The following ARID5B variants were observed in gnomAD, a reference collection of about 807,000 sequenced individuals.
The protein encoded by ARID5B is AT-rich interactive domain-containing protein 5B.
In ARID5B, 13 loss-of-function variants were observed where a neutral mutation model predicts 97.2. The ratio of observed to expected loss-of-function variants is 0.13; its 90% CI spans 0.09 to 0.21. The LOEUF (loss-of-function observed/expected upper bound fraction) is 0.21, where lower values mean the gene tolerates loss of function less well. Among genes scored for constraint, ARID5B ranks in the 10% least tolerant of loss-of-function variants. ARID5B has a pLI of 1.00. For synonymous variants in ARID5B, 556 were observed against 570.3 expected (o/e 0.97, Z 0.36); for missense variants, 1,210 against 1,465.3 (o/e 0.83, Z 2.84).
rs1840468866 is a variant in ARID5B at position 62,096,271 on chromosome 10, T to C, written c.*3241T>C. ...TACTGTATTTCACTGTGTTGGTGTG[T>C]CTGATGGAAATTTCGAGGTGGTCCC... is the stretch of plus-strand genomic sequence containing the variant. On this transcript the variant is annotated 3_prime_UTR_variant, in exon 10 of 10. Coordinates refer to ENST00000279873, the MANE Select transcript of ARID5B (RefSeq NM_032199.3). 4.3e-6 allele frequency: 1 copy of C among 233,606 alleles called. No homozygotes were observed. The allele number at this position is 233,606 out of a possible 1,614,324, so 14.5% of individuals were successfully genotyped here.
chr10:61,960,848 G>A (rs1589236067), intron 3 of ARID5B, among the ~76,000 whole-genome samples: 1 of 152,234 alleles, frequency 6.6e-6, no homozygotes, highest in African/African-American at 2.4e-5. Flanking sequence ...GTAGTGGTAA[G>A]GGACTAAAAG....
At chr10:62,009,066 G>A (rs778368838) in intron 4 of ARID5B, among the ~76,000 whole-genome samples, 1 of 152,188 alleles carries the variant, frequency 6.6e-6, no homozygotes, top group African/African-American at 2.4e-5. Context: ...TTGGTAATGG[G>A]TTTTCAAAGG....
In ARID5B at chr10:62,059,266, G is replaced by A; in HGVS notation, c.1072G>A (p.Ala358Thr). 1 of 1,612,020 alleles carries A rather than the reference G, an allele frequency of 6.2e-7. No homozygotes were observed. The highest frequency in any genetic ancestry group is 8.5e-7 in the Non-Finnish European group (1 of 1,178,794). Reference sequence around the variant, plus strand: ...AGTTAACCTTTGGACTATGTTTCAAGCTGCTCAAAAACTGGGAGGATATGA... The same window carrying A: ...AGTTAACCTTTGGACTATGTTTCAAACTGCTCAAAAACTGGGAGGATATGA... Reference protein sequence around the residue: ...KQINLWTMFQAAQKLGGYETI... With the variant: ...KQINLWTMFQTAQKLGGYETI... The change falls in exon 7 of 10, where the codon GCT becomes ACT. Residue 358 changes from alanine (A) to threonine (T), a missense_variant. Coordinates refer to ENST00000279873, the MANE Select transcript of ARID5B (RefSeq NM_032199.3).
At chr10:61,969,740 T>C (rs961992870) in intron 3 of ARID5B, among the ~76,000 whole-genome samples, 1 of 152,174 alleles carries the variant, frequency 6.6e-6, no homozygotes, top group African/African-American at 2.4e-5. Flanking sequence ...TCATATTCTA[T>C]TGTCTCACAA....
chr10:61,901,960 T>G (rs1056796550), intron 1 of ARID5B, among the ~76,000 whole-genome samples, 199 bp from the exon 2 acceptor site: 2 of 143,080 alleles, frequency 1.4e-5, no homozygotes, highest in African/African-American at 2.5e-5. Flanking sequence ...GAAGTGGCGG[T>G]GGGGGGCCCT....
intron 2 of ARID5B, 65 bp from the exon 3 acceptor site, chr10:61,940,118 G>A: frequency 6.8e-7 from 1 of 1,469,350 alleles, no homozygotes; most frequent in Non-Finnish European, 9.5e-7. Context: ...GCCTTGTGGA[G>A]AGTGGATCAT....
intron 3 of ARID5B, among the ~76,000 whole-genome samples, chr10:61,987,171 T>C (rs910801192): frequency 2.6e-4 from 39 of 152,062 alleles, no homozygotes; most frequent in African/African-American, 7.5e-4. Context: ...GTGTCTCCCA[T>C]TGGCTGAACA....
At chr10:62,083,332 C>T (rs997811372) in intron 8 of ARID5B, among the ~76,000 whole-genome samples, 1 of 120,924 alleles carries the variant, frequency 8.3e-6, no homozygotes, top group African/African-American at 3.0e-5. Context: ...AAAAAAGGAA[C>T]CGAAATGAGA....
chr10:62,057,368 T>C lies in ARID5B; in HGVS notation c.1048+50T>C, dbSNP rs150804814. On this transcript the variant is annotated intron_variant, in intron 6 of 9. Transcript: ENST00000279873. ...GAATTATCAGAGCTGCTCAGATTCT[T>C]TGAATTGGAAAAAATAATTTTGACT... 136 of 1,544,022 alleles carry C rather than the reference T, an allele frequency of 8.8e-5. 1 individual carries two copies. The East Asian group carries it at 3.0e-3, about 35-fold the overall frequency.
chr10:61,978,376 G>GT (rs915959906), intron 3 of ARID5B, among the ~76,000 whole-genome samples: 58 of 152,296 alleles, frequency 3.8e-4, no homozygotes, highest in African/African-American at 1.3e-3. Context: ...CTTTAAAGTA[G>GT]TTTTTTCCAA....
In ARID5B at chr10:62,094,597, G is replaced by A; in HGVS notation, c.*1567G>A. 4.3e-6 allele frequency: 1 copy of A among 231,244 alleles called. No homozygotes were observed. The highest frequency in any genetic ancestry group is 8.6e-6 in the Non-Finnish European group (1 of 116,794). 14.3% of individuals were successfully genotyped at this position (231,244 alleles called of 1,614,324 possible). A position where few individuals can be genotyped will look rare whatever the true frequency, so the allele number is the denominator to read the frequency against. ...AGCTGCTCAGGCAGTGAAAAGATGTGGAGAATGTCCGTTGTCATTCTTGCC... is the reference window on the plus strand; with the variant it reads ...AGCTGCTCAGGCAGTGAAAAGATGTAGAGAATGTCCGTTGTCATTCTTGCC... On this transcript the variant is annotated 3_prime_UTR_variant, in exon 10 of 10. Coordinates refer to ENST00000279873, the MANE Select transcript of ARID5B (RefSeq NM_032199.3).
intron 4 of ARID5B, among the ~76,000 whole-genome samples, chr10:62,023,232 G>A (rs1839378331): frequency 6.6e-6 from 1 of 152,206 alleles, no homozygotes; most frequent in Non-Finnish European, 1.5e-5. Context: ...GTAACAAAAT[G>A]CTTACTAGAA....
chr10:61,916,475 T>A (rs1324503699), intron 2 of ARID5B, among the ~76,000 whole-genome samples: 1 of 152,138 alleles, frequency 6.6e-6, no homozygotes, highest in Non-Finnish European at 1.5e-5. Context: ...ATAAAAGTAA[T>A]AGTAAAACTA....
intron 3 of ARID5B, among the ~76,000 whole-genome samples, chr10:61,998,126 C>T (rs749886139): frequency 4.6e-5 from 7 of 152,162 alleles, no homozygotes; most frequent in Admixed American, 1.3e-4. Context: ...CATCTCCATC[C>T]GTGGAAAAGC....
At chr10:61,903,248 A>T (rs1451069603) in intron 2 of ARID5B, among the ~76,000 whole-genome samples, 4 of 151,854 alleles carry the variant, frequency 2.6e-5, no homozygotes, top group African/African-American at 4.8e-5. Flanking sequence ...CTCCGTGCCC[A>T]GACGGCGCTC....
chr10:62,022,882 C>G (rs1318938462), intron 4 of ARID5B, among the ~76,000 whole-genome samples: 1 of 152,192 alleles, frequency 6.6e-6, no homozygotes, highest in Admixed American at 6.5e-5. Context: ...AACTGGAGTA[C>G]AAGGTTAAAT....
chr10:62,038,816 G>A (rs1336871597), intron 4 of ARID5B, among the ~76,000 whole-genome samples: 51 of 152,188 alleles, frequency 3.4e-4, no homozygotes, highest in East Asian at 1.9e-4. Flanking sequence ...TCGTCCCACC[G>A]CATCCCATCG....
intron 4 of ARID5B, among the ~76,000 whole-genome samples, chr10:62,013,993 C>A (rs1477930421): frequency 1.3e-5 from 2 of 151,978 alleles, no homozygotes; most frequent in African/African-American, 2.4e-5. Flanking sequence ...ATTTTAAAAT[C>A]TATTCATCCT....
At chr10:61,990,779 A>T (rs893310917) in intron 3 of ARID5B, among the ~76,000 whole-genome samples, 1 of 152,214 alleles carries the variant, frequency 6.6e-6, no homozygotes. Flanking sequence ...TATTATTTTA[A>T]CCATTTTTAA....
Sources: gnomAD v4.1 joint callset for allele counts (sites outside exome capture counted in the v4.1 genomes callset) on GRCh38, gnomAD v4.1.1 for gene constraint, MANE v1.5 for transcripts, NCBI Gene and HGNC (gene_info 2026-07-23, HGNC 2026-07-21) for gene names.